The following ZMYND10 variants were observed in gnomAD, a reference collection of about 807,000 sequenced individuals.
The protein encoded by ZMYND10 is zinc finger MYND domain-containing protein 10.
Under a neutral mutation model 62.6 loss-of-function variants are expected in ZMYND10, and 52 were observed. The ratio of observed to expected loss-of-function variants is 0.83; its 90% CI spans 0.67 to 1.05. ZMYND10 has a LOEUF of 1.05. ZMYND10 is among the 50% of genes least tolerant of loss of function. The pLI, the probability that ZMYND10 is intolerant of heterozygous loss-of-function variation, is 0.00. For missense variants in ZMYND10, 438 were observed against 543.3 expected, an observed-to-expected ratio of 0.81 and a Z score of 1.93; for synonymous variants, 197 against 218.5, an observed-to-expected ratio of 0.90 and a Z score of 0.87.
intron 10 of ZMYND10, 53 bp from the exon 11 acceptor site, chr3:50,341,752 C>A: frequency 1.2e-6 from 2 of 1,612,110 alleles, no homozygotes; most frequent in Admixed American, 3.3e-5. Context: ...GGGCACCCCA[C>A]CCACATCCAT....
rs1703359383 is a variant in ZMYND10, at chr3:50,341,212, A to G, written c.*198T>C. On this transcript the variant is annotated 3_prime_UTR_variant, in exon 12 of 12. Transcript: ENST00000231749. ...CTGAAGCAACACACTTGGCCTACCC[A>G]CTGGGTGGGGCAGGAAGTCTCGAGC... 3 of 702,996 alleles carry G rather than the reference A, an allele frequency of 4.3e-6. No homozygotes were observed. The highest frequency in any genetic ancestry group is 5.6e-5 in the Admixed American group (2 of 36,016). 43.5% of individuals were successfully genotyped at this position (702,996 alleles called of 1,614,324 possible). A position where few individuals can be genotyped will look rare whatever the true frequency, so the allele number is the denominator to read the frequency against.
Position 50,342,159 on chromosome 3 carries a change from GAGGCCAGTGT to G in ZMYND10, c.874-29_874-20del. 1 of 1,604,894 alleles carries G rather than the reference GAGGCCAGTGT, an allele frequency of 6.2e-7. No homozygotes were observed. Among genetic ancestry groups the G allele is most frequent in the Non-Finnish European group, 8.5e-7 (1 of 1,175,530 alleles). ...CCCGAAGCTGCAAGGGTGTCCAGTG[GAGGCCAGTGT>G]GATGCAGGTGCTGGCCAGGGGGCCA... On this transcript the variant is annotated intron_variant, in intron 8 of 11. Coordinates refer to ENST00000231749, the MANE Select transcript of ZMYND10 (RefSeq NM_015896.4).
Position 50,343,582 on chromosome 3 carries a change from T to A in ZMYND10, c.353A>T (p.Glu118Val). Residue 118 changes from glutamate to valine, a missense_variant, in exon 4 of 12, where the codon GAG becomes GTG. By Grantham distance (121) the Glu-to-Val change is moderately radical. Coordinates refer to ENST00000231749, the MANE Select transcript of ZMYND10 (RefSeq NM_015896.4). ...HHEASIINLL[E>V]TVFFHKEVCE... ...CCTCACCTTGTGGAAGAACACTGTC[T>A]CCAAGAGGTTGATGATGGAGGCCTC... 1 of 1,614,070 alleles carries A rather than the reference T, an allele frequency of 6.2e-7. No individual in the cohort carries two copies. Among genetic ancestry groups the A allele is most frequent in the Non-Finnish European group, 8.5e-7 (1 of 1,180,014 alleles).
At chr3:50,344,111 A>C (rs1703469298) in intron 2 of ZMYND10, 1 of 491,180 alleles carries the variant, frequency 2.0e-6, no homozygotes, top group East Asian at 3.7e-5. Flanking sequence ...CCCTGCCTGC[A>C]CCTGCACCCT....
chr3:50,342,450 C>T lies in ZMYND10; in HGVS notation c.820G>A (p.Glu274Lys), dbSNP rs1703410412. Residue 274 changes from glutamate to lysine, a missense_variant, in exon 8 of 12, where the codon GAG becomes AAG. By Grantham distance (56) the Glu-to-Lys change is moderately conservative. Transcript: ENST00000231749. ...IALYNLLLSP[E>K]AQARYCLTSF... is the part of the protein sequence containing the mutation. Reference sequence around the variant, plus strand: ...GTGAGGCAGTAGCGCGCCTGAGCCTCAGGGCTTAGCAGCAGGTTGTACAGG... The same window carrying T: ...GTGAGGCAGTAGCGCGCCTGAGCCTTAGGGCTTAGCAGCAGGTTGTACAGG... The T allele has an allele frequency of 6.2e-7, 1 of 1,611,352 alleles. No homozygotes were observed. The highest frequency in any genetic ancestry group is 1.7e-5 in the Admixed American group (1 of 59,788).
At position 50,342,502 on chromosome 3, in the gene ZMYND10, G is replaced by C. The variant is rs775835032; in HGVS notation, c.768C>G (p.Ser256Arg). ...CGATCCACACTTGCCCGTCCAACTTGCTCAGCTTTTGCTGCTCTGAGGGGG... is the reference window on the plus strand; with the variant it reads ...CGATCCACACTTGCCCGTCCAACTTCCTCAGCTTTTGCTGCTCTGAGGGGG... ...TVAPSEQQKL[S>R]KLDGQVWIAL... Residue 256 changes from serine to arginine, a missense_variant, in exon 8 of 12, where the codon AGC (serine) becomes AGG (arginine). Coordinates refer to ENST00000231749, the MANE Select transcript of ZMYND10 (RefSeq NM_015896.4). The C allele has an allele frequency of 6.2e-7, 1 of 1,613,978 alleles. No homozygotes were observed.
At position 50,345,596 on chromosome 3, in the gene ZMYND10, G is replaced by A. The variant is rs749228394; in HGVS notation, c.-17C>T. The A allele has an allele frequency of 1.6e-5, 25 of 1,569,732 alleles. No individual in the cohort carries two copies. The South Asian group carries it at 2.5e-4, about 15-fold the overall frequency. ...GTCTCCCATATCGAGGCCGGGGTCC[G>A]GCGGATCCTGGGCAGCAGCCGGGGT... On this transcript the variant is annotated 5_prime_UTR_variant, in exon 1 of 12. Transcript: ENST00000231749. This position sits in a 1 kb window ranked among gnomAD's most constrained non-coding sequence, Gnocchi z 5.0.
Position 50,343,193 on chromosome 3 carries a change from T to C in ZMYND10, c.524A>G (p.Gln175Arg). 6.2e-7 allele frequency: 1 copy of C among 1,614,232 alleles called. No homozygotes were observed. The highest frequency in any genetic ancestry group is 2.2e-5 in the East Asian group (1 of 44,882). ...DSNPMQELQKQAELMEFEIAL... is the reference protein window; with the variant it reads ...DSNPMQELQKRAELMEFEIAL... The stretch of plus-strand genomic sequence containing the variant: ...AATCTCAAATTCCATCAGCTCTGCC[T>C]GCTTCTGCAGCTCCTGGGAGGTCAC... Residue 175 changes from glutamine to arginine, a missense_variant, in exon 6 of 12, where the codon CAG (glutamine) becomes CGG (arginine). Gln to Arg is a conservative substitution (Grantham distance 43). Transcript: ENST00000231749.
At position 50,341,947 on chromosome 3, in the gene ZMYND10, G is replaced by A; in HGVS notation, c.1000-16C>T. The A allele has an allele frequency of 6.2e-7, 1 of 1,614,218 alleles. No homozygotes were observed. Among genetic ancestry groups the A allele is most frequent in the Non-Finnish European group, 8.5e-7 (1 of 1,180,034 alleles). ...TTTCTGGGATCTAGGAGAGAGAAGT[G>A]GAGAGTGGCAGGAAGGTGCTGGTAA... On this transcript the variant is annotated splice_polypyrimidine_tract_variant and intron_variant, in intron 9 of 11. Transcript: ENST00000231749.
Position 50,341,230 on chromosome 3 carries a change from T to C in ZMYND10, c.*180A>G. 1.3e-6 allele frequency: 1 copy of C among 765,180 alleles called. No homozygotes were observed. The highest frequency in any genetic ancestry group is 2.1e-6 in the Non-Finnish European group (1 of 479,570). The allele number at this position is 765,180 out of a possible 1,614,324, so 47.4% of individuals were successfully genotyped here. ...CCTACCCACTGGGTGGGGCAGGAAG[T>C]CTCGAGCCTTCACTTGGGGTGAGGA... On this transcript the variant is annotated 3_prime_UTR_variant, in exon 12 of 12. Coordinates refer to ENST00000231749, the MANE Select transcript of ZMYND10 (RefSeq NM_015896.4).
At position 50,343,604 on chromosome 3, in the gene ZMYND10, C is replaced by A; in HGVS notation, c.331G>T (p.Ala111Ser). The change falls in exon 4 of 12, where the codon GCC (alanine) becomes TCC (serine). Residue 111 changes from alanine (A) to serine (S), a missense_variant. By Grantham distance (99) the Ala-to-Ser change is moderately conservative. Coordinates refer to ENST00000231749, the MANE Select transcript of ZMYND10 (RefSeq NM_015896.4). ...GTCTCCAAGAGGTTGATGATGGAGG[C>A]CTCGTGGTGCACCTGTCAGATAAAG... ...FPIYMVVHHE[A>S]SIINLLETVF... 6.2e-7 allele frequency: 1 copy of A among 1,614,140 alleles called. No individual in the cohort carries two copies. The highest frequency in any genetic ancestry group is 1.1e-5 in the South Asian group (1 of 91,090).
At chr3:50,343,708 A>G in intron 3 of ZMYND10, 26 bp downstream of exon 3, 1 of 1,613,760 alleles carries the variant, frequency 6.2e-7, no homozygotes, top group Non-Finnish European at 8.5e-7. Context: ...GAGTGAGAAG[A>G]GGTATGAACC....
Position 50,341,380 on chromosome 3 carries a change from T to G in ZMYND10, c.*30A>C. On this transcript the variant is annotated 3_prime_UTR_variant, in exon 12 of 12. Transcript: ENST00000231749. ...GCATTCTGGGTGGATTCCCTTGGCA[T>G]GGGTGGTCGGCCCTCAGCAACTGCA... 1 of 1,613,310 alleles carries G rather than the reference T, an allele frequency of 6.2e-7. No individual in the cohort carries two copies. The highest frequency in any genetic ancestry group is 8.5e-7 in the Non-Finnish European group (1 of 1,179,830).
rs2109358154 is a variant in ZMYND10 at position 50,343,417 on chromosome 3, C to T, written c.400G>A (p.Val134Ile). The T allele has an allele frequency of 6.2e-7, 1 of 1,613,168 alleles. No homozygotes were observed. Among genetic ancestry groups the T allele is most frequent in the Non-Finnish European group, 8.5e-7 (1 of 1,179,324 alleles). The change falls in exon 5 of 12, where the codon GTC (valine) becomes ATC (isoleucine). Residue 134 changes from valine to isoleucine, a missense_variant. Physicochemically the swap from Val to Ile is conservative, Grantham distance 29. Coordinates refer to ENST00000231749, the MANE Select transcript of ZMYND10 (RefSeq NM_015896.4). ...KEVCESAEDT[V>I]LDLVDYCHRK... ...TGGCAATAGTCTACCAAGTCCAAGACAGTGTCTTCTGCTGACTCACACACC... is the reference window on the plus strand; with the variant it reads ...TGGCAATAGTCTACCAAGTCCAAGATAGTGTCTTCTGCTGACTCACACACC...
At position 50,341,872 on chromosome 3, in the gene ZMYND10, G is replaced by C; in HGVS notation, c.1059C>G (p.Ala353=). Residue 353 remains alanine, a synonymous_variant, in exon 10 of 12, where the codon GCC becomes GCG. Transcript: ENST00000231749. ...RENRGKWQAI[A]KHQLQHVFSP... is the part of the protein sequence containing the mutation. ...TGAACACATGCTGGAGCTGGTGCTT[G>C]GCAATTGCCTGCCACTTGCCTCTGT... The C allele has an allele frequency of 3.7e-6, 6 of 1,614,174 alleles. No homozygotes were observed. The highest frequency in any genetic ancestry group is 5.1e-6 in the Non-Finnish European group (6 of 1,180,040).
chr3:50,342,476 G>A lies in ZMYND10; in HGVS notation c.794C>T (p.Ala265Val), dbSNP rs149071790. 8.7e-5 allele frequency: 140 copies of A among 1,613,726 alleles called. No homozygotes were observed. Among genetic ancestry groups the A allele is most frequent in the Non-Finnish European group, 1.1e-4 (132 of 1,179,908 alleles). The change falls in exon 8 of 12, where the codon GCC (alanine) becomes GTC (valine). Residue 265 changes from alanine (A) to valine (V), a missense_variant. Transcript: ENST00000231749. ...LSKLDGQVWI[A>V]LYNLLLSPEA... ...AGGGCTTAGCAGCAGGTTGTACAGG[G>A]CGATCCACACTTGCCCGTCCAACTT...
chr3:50,343,671 TCCTC>T (rs1359847244), intron 3 of ZMYND10, 55 bp from the exon 4 acceptor site: 30 of 1,613,654 alleles, frequency 1.9e-5, no homozygotes, highest in Non-Finnish European at 1.8e-5. Flanking sequence ...CTACCAGCTC[TCCTC>T]CCCGGTCCAG....
rs1703461215 is a variant in ZMYND10, at chr3:50,343,812, C to T, written c.240G>A (p.Met80Ile). The T allele has an allele frequency of 6.2e-7, 1 of 1,614,230 alleles. No individual in the cohort carries two copies. Among genetic ancestry groups the T allele is most frequent in the Non-Finnish European group, 8.5e-7 (1 of 1,180,038 alleles). ...ACACAGGGAACACCTTCTGCTTCCA[C>T]ATCTCCACTGCGATCAGCTCCTCCA... The part of the protein sequence containing the change: ...TLVEELIAVE[M>I]WKQKVFPVFC... The change falls in exon 3 of 12, where the codon ATG (methionine) becomes ATA (isoleucine). Residue 80 changes from methionine to isoleucine, a missense_variant. Met to Ile is a conservative substitution (Grantham distance 10, BLOSUM62 1). Transcript: ENST00000231749.
chr3:50,341,168 G>A lies in ZMYND10; in HGVS notation c.*242C>T, dbSNP rs1703357876. 1 of 619,554 alleles carries A rather than the reference G, an allele frequency of 1.6e-6. No individual in the cohort carries two copies. Among genetic ancestry groups the A allele is most frequent in the Non-Finnish European group, 2.8e-6 (1 of 355,564 alleles). The allele number at this position is 619,554 out of a possible 1,614,324, so 38.4% of individuals were successfully genotyped here. Reference sequence around the variant, plus strand: ...AAGAGGGTCCCCACATCCGGCCCTGGCCCTCCTGGTCCGGTTTGCTGAAGC... The same window carrying A: ...AAGAGGGTCCCCACATCCGGCCCTGACCCTCCTGGTCCGGTTTGCTGAAGC... On this transcript the variant is annotated 3_prime_UTR_variant, in exon 12 of 12. Coordinates refer to ENST00000231749, the MANE Select transcript of ZMYND10 (RefSeq NM_015896.4).
Sources: gnomAD v4.1 joint callset for allele counts on GRCh38, gnomAD v4.1.1 for gene constraint, Gnocchi (gnomAD v3.1) non-coding constraint, MANE v1.5 for transcripts, NCBI Gene and HGNC (gene_info 2026-07-23, HGNC 2026-07-21) for gene names.